ARHGAP32: variants seen among roughly 807,000 people sequenced by gnomAD.
ARHGAP32 encodes the protein Rho GTPase activating protein 32.
In ARHGAP32, 51 loss-of-function variants were observed where a neutral mutation model predicts 186.5. That is an observed-to-expected ratio of 0.27 (90% CI 0.22 to 0.35). ARHGAP32 has a LOEUF of 0.35. ARHGAP32 is among the 10% of genes least tolerant of loss of function. The pLI, the probability that ARHGAP32 is intolerant of heterozygous loss-of-function variation, is 1.00. For synonymous variants in ARHGAP32, 950 were observed against 964.3 expected (o/e 0.99, Z 0.27); for missense variants, 2,186 against 2,623.5 (o/e 0.83, Z 3.64).
chr11:128,998,247 A>T (rs1164896544), intron 12 of ARHGAP32, 72 bp downstream of exon 12: 1 of 1,265,186 alleles, frequency 7.9e-7, no homozygotes, highest in Non-Finnish European at 1.1e-6. Flanking sequence ...AATCTACTCC[A>T]TAATTGGTTA....
Position 128,970,215 on chromosome 11 carries a change from T to C in ARHGAP32, c.4998A>G (p.Pro1666=), listed in dbSNP as rs1380691556. ...AATAGGAACTAGAAGAACTGGAATA[T>C]GGGCTATACCTGTAGTGGACCCGGC... The part of the protein sequence containing the change: ...ENGRVHYRYS[P]YSSSSSSYYS... The change falls in exon 23 of 23, where the codon CCA becomes CCG. Residue 1666 remains proline, a synonymous_variant. Coordinates refer to ENST00000682385, the MANE Select transcript of ARHGAP32 (RefSeq NM_001378024.1). This position sits in a 1 kb window ranked among gnomAD's most constrained non-coding sequence, Gnocchi z 5.8. The C allele has an allele frequency of 3.1e-6, 5 of 1,614,180 alleles. No individual in the cohort carries two copies. Among genetic ancestry groups the C allele is most frequent in the Admixed American group, 1.7e-5 (1 of 60,028 alleles).
chr11:129,162,337 A>T (rs957060766), intron 2 of ARHGAP32, among the ~76,000 whole-genome samples: 3 of 152,188 alleles, frequency 2.0e-5, no homozygotes, highest in Admixed American at 1.3e-4. Context: ...TAATATTTTT[A>T]AAATGTTGAG....
chr11:129,198,345 G>A (rs1944419253), intron 1 of ARHGAP32, among the ~76,000 whole-genome samples: 1 of 152,152 alleles, frequency 6.6e-6, no homozygotes, highest in Non-Finnish European at 1.5e-5. Context: ...TTTACAAATA[G>A]TGTGGTCTTA....
chr11:128,972,183 C>G (rs1945394847), intron 22 of ARHGAP32: 1 of 227,932 alleles, frequency 4.4e-6, no homozygotes. Context: ...CTTTGTGTTA[C>G]TGGAATAAAC....
intron 5 of ARHGAP32, among the ~76,000 whole-genome samples, chr11:129,117,542 G>A (rs972757124): frequency 1.3e-5 from 2 of 151,878 alleles, no homozygotes; most frequent in Non-Finnish European, 2.9e-5. Flanking sequence ...AGAAAGCCAT[G>A]ACAGCATTTT....
intron 5 of ARHGAP32, among the ~76,000 whole-genome samples, chr11:129,114,321 T>C (rs1238652806): frequency 1.3e-5 from 2 of 152,140 alleles, no homozygotes; most frequent in Non-Finnish European, 2.9e-5. Context: ...CAATCTTCAA[T>C]AAAGATGAAG....
chr11:129,046,156 C>A (rs1437575090), intron 10 of ARHGAP32, among the ~76,000 whole-genome samples: 1 of 151,910 alleles, frequency 6.6e-6, no homozygotes, highest in African/African-American at 2.4e-5. Flanking sequence ...CAACTTGATA[C>A]AACTGAACAC....
chr11:129,140,939 G>A (rs1182515494), intron 2 of ARHGAP32, among the ~76,000 whole-genome samples: 1 of 152,032 alleles, frequency 6.6e-6, no homozygotes, highest in Non-Finnish European at 1.5e-5. Flanking sequence ...CTTCCAAGGT[G>A]TCTACCACTG....
In ARHGAP32 at chr11:129,010,402, C is replaced by CT. The variant is rs573159464; in HGVS notation, c.1046-11935dup. On this transcript the variant is annotated intron_variant, in intron 11 of 22. Coordinates refer to ENST00000682385, the MANE Select transcript of ARHGAP32 (RefSeq NM_001378024.1). The stretch of plus-strand genomic sequence containing the variant: ...TCCTGAATGGTATTGCCCAGGTTTT[C>CT]TTCTAGGGTTTATATAGTTTCGGGT... Among the ~76,000 whole-genome samples the CT allele has an allele frequency of 2.1e-3, 316 of 152,206 alleles. 1 individual carries two copies. The highest frequency in any genetic ancestry group is 0.014 in the Middle Eastern group (4 of 294).
intron 5 of ARHGAP32, among the ~76,000 whole-genome samples, chr11:129,111,840 C>A (rs1008582164): frequency 3.3e-5 from 5 of 152,098 alleles, no homozygotes; most frequent in Non-Finnish European, 7.4e-5. Flanking sequence ...CAGCTCACCA[C>A]CAACTTCCAC....
chr11:129,171,364 G>A (rs1943756415), intron 1 of ARHGAP32, among the ~76,000 whole-genome samples: 1 of 152,230 alleles, frequency 6.6e-6, no homozygotes, highest in Admixed American at 6.5e-5. Context: ...GAAAGGAAGG[G>A]GTCCAGGTTC....
At chr11:129,045,363 C>T (rs1426322836) in intron 10 of ARHGAP32, among the ~76,000 whole-genome samples, 1 of 152,166 alleles carries the variant, frequency 6.6e-6, no homozygotes, top group Non-Finnish European at 1.5e-5. Flanking sequence ...CACTAGAAAT[C>T]CATCATCTTT....
chr11:129,198,818 G>A (rs1944425211), intron 1 of ARHGAP32, among the ~76,000 whole-genome samples: 1 of 152,234 alleles, frequency 6.6e-6, no homozygotes, highest in Non-Finnish European at 1.5e-5. Context: ...ACAAGCAGAG[G>A]CTGAAACAGT....
chr11:129,171,180 T>A (rs1943752016), intron 1 of ARHGAP32, among the ~76,000 whole-genome samples: 1 of 152,248 alleles, frequency 6.6e-6, no homozygotes, highest in South Asian at 2.1e-4. Flanking sequence ...TTTAATTAGA[T>A]CCCATTTGTC....
rs184585337 is a variant in ARHGAP32, at chr11:129,250,557, T to G, written c.-5+28589A>C. 1.4e-3 allele frequency among the ~76,000 whole-genome samples: 208 copies of G among 152,336 alleles called. 2 individuals are homozygous for G. The highest frequency in any genetic ancestry group is 0.012 in the Admixed American group (184 of 15,304). ...GGGAAATTTTTAATAAACCATACTT[T>G]GAAAACCATGCTATTGCTGACTAAC... On this transcript the variant is annotated intron_variant, in intron 1 of 6. Coordinates refer to the ARHGAP32 transcript ENST00000525234.
intron 2 of ARHGAP32, among the ~76,000 whole-genome samples, chr11:129,138,687 C>G (rs1004210317): frequency 1.1e-4 from 16 of 152,278 alleles, no homozygotes; most frequent in African/African-American, 3.8e-4. Flanking sequence ...ACATTCAGCC[C>G]CACCACAAGC....
intron 7 of ARHGAP32, among the ~76,000 whole-genome samples, chr11:129,065,427 G>C (rs535193080): frequency 5.3e-5 from 8 of 152,116 alleles, no homozygotes; most frequent in African/African-American, 1.9e-4. Flanking sequence ...GCTAACCCAG[G>C]AATTAGGAAT....
intron 1 of ARHGAP32, among the ~76,000 whole-genome samples, chr11:129,222,972 T>C (rs779472565): frequency 2.0e-5 from 3 of 152,200 alleles, no homozygotes; most frequent in Non-Finnish European, 4.4e-5. Context: ...GTGGTATATA[T>C]TGTTTTAAAT....
In ARHGAP32 at chr11:129,062,298, T is replaced by A; in HGVS notation, c.945A>T (p.Arg315Ser). 1 of 1,613,676 alleles carries A rather than the reference T, an allele frequency of 6.2e-7. No individual in the cohort carries two copies. The highest frequency in any genetic ancestry group is 8.5e-7 in the Non-Finnish European group (1 of 1,179,674). Reference sequence around the variant, plus strand: ...TGCCTACCTGGAATCCGTGCTTGCCTCTCCACCATGTGCTTAACACTTTCG... The same window carrying A: ...TGCCTACCTGGAATCCGTGCTTGCCACTCCACCATGTGCTTAACACTTTCG... ...MPPKVLSTWW[R>S]GKHGFQVGLF... Residue 315 changes from arginine to serine, a missense_variant, in exon 10 of 23, where the codon AGA becomes AGT. By Grantham distance (110) the Arg-to-Ser change is moderately radical. Around this residue, in one of 5 missense-constraint regions of ARHGAP32, gnomAD observed 308 missense variants for 596.5 expected, o/e 0.52. Coordinates refer to ENST00000682385, the MANE Select transcript of ARHGAP32 (RefSeq NM_001378024.1).
Sources: gnomAD v4.1 joint callset for allele counts (sites outside exome capture counted in the v4.1 genomes callset) on GRCh38, gnomAD v4.1.1 for gene constraint, gnomAD v4.1.1 regional missense constraint, Gnocchi (gnomAD v3.1) non-coding constraint, MANE v1.5 for transcripts, NCBI Gene and HGNC (gene_info 2026-07-23, HGNC 2026-07-21) for gene names.